The following KCNIP4 variants were observed in gnomAD, a reference collection of about 807,000 sequenced individuals.
KCNIP4 encodes Kv channel-interacting protein 4.
KCNIP4 carries 12 observed loss-of-function variants against 34.0 expected under a neutral mutation model. That is an observed-to-expected ratio of 0.35 (90% CI 0.23 to 0.57). The LOEUF is 0.57. KCNIP4 is among the 20% of genes least tolerant of loss of function. The pLI, the probability that KCNIP4 is intolerant of heterozygous loss-of-function variation, is 0.83. For missense variants in KCNIP4, 238 were observed against 311.7 expected (o/e 0.76, Z 1.78); for synonymous variants, 124 against 102.2 (o/e 1.21, Z -1.29).
Position 21,029,477 on chromosome 4 carries a change from T to A in KCNIP4, c.62-146768A>T, listed in dbSNP as rs184463831. Among the ~76,000 whole-genome samples the A allele has an allele frequency of 3.1e-3, 473 of 152,290 alleles. 2 individuals are homozygous for A. Among genetic ancestry groups the A allele is most frequent in the African/African-American group, 0.011 (448 of 41,560 alleles). Reference sequence around the variant, plus strand: ...TATGCTACTGGCTGCAAATTCTAAGTTATGGACTATTAAATGATCTGGTCA... The same window carrying A: ...TATGCTACTGGCTGCAAATTCTAAGATATGGACTATTAAATGATCTGGTCA... On this transcript the variant is annotated intron_variant, in intron 1 of 8. Coordinates refer to ENST00000382152, the MANE Select transcript of KCNIP4 (RefSeq NM_025221.6).
chr4:20,831,731 T>G (rs1718448766), intron 3 of KCNIP4, among the ~76,000 whole-genome samples: 1 of 152,194 alleles, frequency 6.6e-6, no homozygotes, highest in Non-Finnish European at 1.5e-5. Flanking sequence ...GAGACTAATA[T>G]GGGGTTTTAT....
At chr4:20,850,048 T>G (rs2149482345) in intron 3 of KCNIP4, among the ~76,000 whole-genome samples, 1 of 152,294 alleles carries the variant, frequency 6.6e-6, no homozygotes, top group Admixed American at 6.5e-5. Context: ...CACACCTGGA[T>G]TGCAGAGAAC....
At chr4:20,761,035 G>T (rs1346818797) in intron 3 of KCNIP4, among the ~76,000 whole-genome samples, 2 of 152,168 alleles carry the variant, frequency 1.3e-5, no homozygotes, top group African/African-American at 4.8e-5. Flanking sequence ...TAGACTTTAA[G>T]TAAAGCAGAT....
At position 21,805,247 on chromosome 4, in the gene KCNIP4, G is replaced by T. The variant is rs73256565; in HGVS notation, c.61+143324C>A. ...ACAAAAGTTGGTGGAACTCCATCTA[G>T]ATGTATTGATATGGTTGGGCTCTGT... is the stretch of plus-strand genomic sequence containing the variant. On this transcript the variant is annotated intron_variant, in intron 1 of 8. Coordinates refer to ENST00000382152, the MANE Select transcript of KCNIP4 (RefSeq NM_025221.6). 5.1e-3 allele frequency among the ~76,000 whole-genome samples: 779 copies of T among 152,258 alleles called. 3 individuals are homozygous for T. Among genetic ancestry groups the T allele is most frequent in the Non-Finnish European group, 8.2e-3 (560 of 68,020 alleles).
intron 1 of KCNIP4, among the ~76,000 whole-genome samples, chr4:21,101,620 T>C (rs547244018): frequency 6.6e-6 from 1 of 152,284 alleles, no homozygotes; most frequent in South Asian, 2.1e-4. Flanking sequence ...AGTGACTATA[T>C]GCACATGAGA....
chr4:21,497,534 C>A (rs1732950476), intron 1 of KCNIP4, among the ~76,000 whole-genome samples: 1 of 152,156 alleles, frequency 6.6e-6, no homozygotes, highest in Admixed American at 6.5e-5. Flanking sequence ...CTGATTCCAC[C>A]CCAAACAGTT....
chr4:21,440,186 A>ACAATTAATT (rs1727337662), intron 1 of KCNIP4, among the ~76,000 whole-genome samples: 1 of 152,254 alleles, frequency 6.6e-6, no homozygotes, highest in South Asian at 2.1e-4. Flanking sequence ...TATCATTAAT[A>ACAATTAATT]GTACAAGCCA....
intron 3 of KCNIP4, among the ~76,000 whole-genome samples, chr4:20,762,252 C>A (rs1365839585): frequency 6.6e-6 from 1 of 152,102 alleles, no homozygotes; most frequent in African/African-American, 2.4e-5. Flanking sequence ...TAAAAGGACA[C>A]TTATCTAATT....
At chr4:21,764,186 G>A (rs1455642169) in intron 1 of KCNIP4, among the ~76,000 whole-genome samples, 1 of 152,116 alleles carries the variant, frequency 6.6e-6, no homozygotes, top group East Asian at 1.9e-4. Flanking sequence ...ACAAGTAAAT[G>A]ATTTCAGACA....
In KCNIP4 at chr4:21,519,489, T is replaced by G. The variant is rs1366349682; in HGVS notation, c.61+429082A>C. Reference sequence around the variant, plus strand: ...GTGTATGTGTATGTGTATATACACATATGTGTGTATGTGTATGTGTATATA... The same window carrying G: ...GTGTATGTGTATGTGTATATACACAGATGTGTGTATGTGTATGTGTATATA... On this transcript the variant is annotated intron_variant, in intron 1 of 8. Coordinates refer to ENST00000382152, the MANE Select transcript of KCNIP4 (RefSeq NM_025221.6). Among the ~76,000 whole-genome samples the G allele has an allele frequency of 1.6e-4, 14 of 86,434 alleles. 1 individual carries two copies. The highest frequency in any genetic ancestry group is 1.2e-4 in the Admixed American group (1 of 8,694). The allele number at this position is 86,434 out of a possible 152,430, so 56.7% of individuals were successfully genotyped here.
At chr4:20,838,745 G>A (rs1719359986) in intron 3 of KCNIP4, among the ~76,000 whole-genome samples, 1 of 152,188 alleles carries the variant, frequency 6.6e-6, no homozygotes, top group Non-Finnish European at 1.5e-5. Context: ...CATCCTGCTA[G>A]AGCAGAGCTG....
chr4:20,916,213 A>C (rs1728799142), intron 1 of KCNIP4: 6 of 487,912 alleles, frequency 1.2e-5, no homozygotes, highest in South Asian at 8.8e-5. Flanking sequence ...AATGACCCCT[A>C]ACTCTCTCAG....
intron 3 of KCNIP4, among the ~76,000 whole-genome samples, chr4:20,768,535 T>G (rs962588702): frequency 6.6e-6 from 1 of 152,206 alleles, no homozygotes; most frequent in Non-Finnish European, 1.5e-5. Flanking sequence ...GAACTAGAGC[T>G]GGCTATAAAT....
At chr4:21,465,551 G>A (rs768756267) in intron 1 of KCNIP4, among the ~76,000 whole-genome samples, 12 of 152,046 alleles carry the variant, frequency 7.9e-5, no homozygotes, top group African/African-American at 1.2e-4. Context: ...CATTACATTG[G>A]CTAATTTTGT....
chr4:21,533,746 A>G, intron 1 of KCNIP4, among the ~76,000 whole-genome samples: 1 of 152,162 alleles, frequency 6.6e-6, no homozygotes, highest in Non-Finnish European at 1.5e-5. Context: ...CCCATTTATT[A>G]AGAAATTGAG....
At chr4:21,215,268 T>C (rs1441136427) in intron 1 of KCNIP4, among the ~76,000 whole-genome samples, 1 of 152,192 alleles carries the variant, frequency 6.6e-6, no homozygotes, top group South Asian at 2.1e-4. Context: ...GTCCTTTTTT[T>C]TTCAATTAAT....
intron 1 of KCNIP4, among the ~76,000 whole-genome samples, chr4:21,449,086 G>T (rs769567622): frequency 1.2e-4 from 19 of 152,164 alleles, no homozygotes; most frequent in African/African-American, 4.6e-4. Context: ...AGCAGTCAGG[G>T]GCCCAGGCCC....
chr4:21,861,313 T>G (rs1171580340), intron 1 of KCNIP4, among the ~76,000 whole-genome samples: 1 of 152,188 alleles, frequency 6.6e-6, no homozygotes, highest in Non-Finnish European at 1.5e-5. Flanking sequence ...AAAAGTCAAA[T>G]TAAACCTTGG....
chr4:20,824,516 C>T (rs569834275), intron 3 of KCNIP4, among the ~76,000 whole-genome samples: 1 of 152,166 alleles, frequency 6.6e-6, no homozygotes, highest in South Asian at 2.1e-4. Context: ...CCCATCTCTA[C>T]TAAAAATACA....
Sources: gnomAD v4.1 joint callset for allele counts (sites outside exome capture counted in the v4.1 genomes callset) on GRCh38, gnomAD v4.1.1 for gene constraint, MANE v1.5 for transcripts, NCBI Gene and HGNC (gene_info 2026-07-23, HGNC 2026-07-21) for gene names.